The following EPRS1 variants were observed in gnomAD, a reference collection of about 807,000 sequenced individuals.
EPRS1 encodes bifunctional glutamate/proline--tRNA ligase.
A neutral mutation model predicts 188.3 loss-of-function variants in EPRS1; 107 were observed. The ratio of observed to expected loss-of-function variants is 0.57; its 90% CI spans 0.49 to 0.67. EPRS1 has a LOEUF of 0.67. Among genes scored for constraint, EPRS1 ranks in the 30% least tolerant of loss-of-function variants. The pLI is 0.00. For missense variants in EPRS1, 1,577 were observed against 1,802.2 expected, an observed-to-expected ratio of 0.88 and a Z score of 2.26; for synonymous variants, 596 against 593.1, an observed-to-expected ratio of 1.00 and a Z score of -0.07.
intron 28 of EPRS1, among the ~76,000 whole-genome samples, chr1:219,975,402 G>A (rs1158984734): frequency 6.6e-6 from 1 of 152,158 alleles, no homozygotes; most frequent in Non-Finnish European, 1.5e-5. Context: ...GCACAAAATG[G>A]AGAAAAACTA....
intron 23 of EPRS1, 136 bp downstream of exon 23, chr1:219,982,636 T>A (rs1571658522): frequency 1.5e-6 from 1 of 664,726 alleles, no homozygotes. Flanking sequence ...TTGCATTCAA[T>A]CTTCATCAAC....
At chr1:220,007,474 G>A (rs1661513706) in intron 13 of EPRS1, 136 bp from the exon 14 acceptor site, 3 of 692,894 alleles carry the variant, frequency 4.3e-6, no homozygotes, top group Admixed American at 3.1e-5. Context: ...GTTCATTGCT[G>A]TATTAGGAAG....
At chr1:220,015,737 G>T (rs1661689531) in intron 12 of EPRS1, among the ~76,000 whole-genome samples, 1 of 151,854 alleles carries the variant, frequency 6.6e-6, no homozygotes, top group South Asian at 2.1e-4. Context: ...TTGTCAGGGA[G>T]CTGGACTGAG....
chr1:220,039,755 T>C (rs1415305086), intron 2 of EPRS1, among the ~76,000 whole-genome samples: 1 of 152,130 alleles, frequency 6.6e-6, no homozygotes, highest in Non-Finnish European at 1.5e-5. Flanking sequence ...CCTGACCTCA[T>C]GATCCGCCTG....
At position 219,969,724 on chromosome 1, in the gene EPRS1, GATTTT is replaced by G. The variant is rs1395593714; in HGVS notation, c.4324-607_4324-603del. Among the ~76,000 whole-genome samples the G allele has an allele frequency of 3.3e-5, 5 of 151,664 alleles. No individual in the cohort carries two copies. In the East Asian group the frequency reaches 7.8e-4, roughly 24 times the overall value. On this transcript the variant is annotated intron_variant, in intron 30 of 31. Transcript: ENST00000366923. The stretch of plus-strand genomic sequence containing the variant: ...ACAAAGGCCGAATCAAGATACTTAG[GATTTT>G]ATTTTAATTTTGAAATTTGCCATGT...
At chr1:220,022,733 C>T (rs746213273) in intron 8 of EPRS1, among the ~76,000 whole-genome samples, 5 of 152,170 alleles carry the variant, frequency 3.3e-5, no homozygotes, top group African/African-American at 9.7e-5. Flanking sequence ...AATACAAATA[C>T]GTTTTAGAAA....
chr1:220,003,748 C>CT (rs1661405022), intron 16 of EPRS1, among the ~76,000 whole-genome samples: 1 of 152,174 alleles, frequency 6.6e-6, no homozygotes, highest in Non-Finnish European at 1.5e-5. Flanking sequence ...GGCTTAGCAA[C>CT]TATTAGGCAC....
chr1:219,986,783 A>ATGTATGTGTG (rs113133677), intron 20 of EPRS1, among the ~76,000 whole-genome samples: 4 of 150,156 alleles, frequency 2.7e-5, no homozygotes, highest in East Asian at 2.0e-4. Flanking sequence ...GAAAATATGT[A>ATGTATGTGTG]TGTGTGTGTG....
intron 1 of EPRS1, among the ~76,000 whole-genome samples, chr1:220,042,567 C>T (rs946079002): frequency 2.0e-5 from 3 of 151,358 alleles, no homozygotes; most frequent in African/African-American, 4.9e-5. Context: ...GTAATGACAT[C>T]GAAATAAATG....
chr1:219,979,361 T>A (rs1404290106), intron 27 of EPRS1, 57 bp downstream of exon 27: 226 of 1,331,744 alleles, frequency 1.7e-4, no homozygotes, highest in Non-Finnish European at 2.3e-4. Flanking sequence ...AAATTTCCTT[T>A]AGTAAATATG....
intron 13 of EPRS1, among the ~76,000 whole-genome samples, chr1:220,009,331 C>T (rs1427500459): frequency 2.6e-5 from 4 of 152,160 alleles, no homozygotes; most frequent in South Asian, 4.1e-4. Flanking sequence ...AGTTAGTCTA[C>T]GAACACAGTT....
intron 4 of EPRS1, among the ~76,000 whole-genome samples, chr1:220,032,905 CAT>C (rs1422403910): frequency 5.9e-5 from 9 of 151,984 alleles, no homozygotes; most frequent in African/African-American, 9.7e-5. Flanking sequence ...TATACACACA[CAT>C]ATATATGTCA....
chr1:219,984,274 T>C lies in EPRS1; in HGVS notation c.3039-17A>G. The C allele has an allele frequency of 6.3e-7, 1 of 1,598,716 alleles. No individual in the cohort carries two copies. Among genetic ancestry groups the C allele is most frequent in the Non-Finnish European group, 8.6e-7 (1 of 1,166,408 alleles). On this transcript the variant is annotated splice_polypyrimidine_tract_variant and intron_variant, in intron 20 of 31. Transcript: ENST00000366923. ...AGACCCAACCTGCAGATGTGAAAAG[T>C]AAAAGATAAATATCTTCATTCAGCA...
At chr1:220,030,355 T>A (rs1662061168) in intron 6 of EPRS1, 31 bp downstream of exon 6, 1 of 1,404,572 alleles carries the variant, frequency 7.1e-7, no homozygotes, top group East Asian at 2.3e-5. Context: ...CTAAATATAT[T>A]CAATTATAAA....
At chr1:220,021,281 T>C (rs1166702618) in intron 9 of EPRS1, among the ~76,000 whole-genome samples, 1 of 152,100 alleles carries the variant, frequency 6.6e-6, no homozygotes, top group African/African-American at 2.4e-5. Context: ...CTTGAACTCC[T>C]GGACTGAAGC....
chr1:219,979,616 C>T lies in EPRS1; in HGVS notation c.3712-1G>A. ...GCCCTAAATGATGTGATGTTCCTCC[C>T]TAAAATAGAGAGAGAAAAATAAGCT... On this transcript the variant is annotated splice_acceptor_variant, in intron 26 of 31. Transcript: ENST00000366923. LOFTEE classifies it high-confidence loss of function. 6.2e-7 allele frequency: 1 copy of T among 1,604,074 alleles called. No homozygotes were observed. Among genetic ancestry groups the T allele is most frequent in the Non-Finnish European group, 8.5e-7 (1 of 1,171,424 alleles).
chr1:219,972,519 C>A (rs1410562948), intron 29 of EPRS1, among the ~76,000 whole-genome samples: 1 of 152,092 alleles, frequency 6.6e-6, no homozygotes, highest in Non-Finnish European at 1.5e-5. Context: ...ATATATATAT[C>A]TTTTATCAAT....
intron 13 of EPRS1, among the ~76,000 whole-genome samples, chr1:220,008,759 C>T (rs1614384): frequency 0.86 from 131,252 of 151,970 alleles, 57,105 homozygotes; most frequent in African/African-American, 0.97. Flanking sequence ...GGTATAGTCA[C>T]AGCTCGCTGC....
intron 18 of EPRS1, among the ~76,000 whole-genome samples, chr1:219,990,984 T>C (rs985252755): frequency 1.3e-5 from 2 of 152,108 alleles, no homozygotes; most frequent in African/African-American, 2.4e-5. Flanking sequence ...TAATTGCTGA[T>C]GTGGATTAAT....
Sources: gnomAD v4.1 joint callset for allele counts (sites outside exome capture counted in the v4.1 genomes callset) on GRCh38, gnomAD v4.1.1 for gene constraint, MANE v1.5 for transcripts, NCBI Gene and HGNC (gene_info 2026-07-23, HGNC 2026-07-21) for gene names.